The following SGIP1 variants were observed in gnomAD, a reference collection of about 807,000 sequenced individuals.
SGIP1 encodes SH3-containing GRB2-like protein 3-interacting protein 1.
SGIP1 carries 38 observed loss-of-function variants against 107.5 expected under a neutral mutation model. The ratio of observed to expected loss-of-function variants is 0.35; its 90% CI spans 0.27 to 0.46. The LOEUF (loss-of-function observed/expected upper bound fraction) is 0.46. Ranked by LOEUF, SGIP1 falls within the 20% of genes least tolerant of loss-of-function variation. The pLI, the probability that SGIP1 is intolerant of heterozygous loss-of-function variation, is 1.00. For synonymous variants in SGIP1, 365 were observed against 366.1 expected, an observed-to-expected ratio of 1.00 and a Z score of 0.03; for missense variants, 929 against 1,019.5, an observed-to-expected ratio of 0.91 and a Z score of 1.21.
intron 1 of SGIP1, among the ~76,000 whole-genome samples, chr1:66,605,012 T>G (rs2066556486): frequency 6.6e-6 from 1 of 152,218 alleles, no homozygotes. Context: ...TTATGTCTAG[T>G]CTTTGCTCTT....
intron 1 of SGIP1, among the ~76,000 whole-genome samples, chr1:66,557,545 A>G (rs1215333051): frequency 2.0e-5 from 3 of 152,126 alleles, no homozygotes; most frequent in Non-Finnish European, 4.4e-5. Flanking sequence ...AGAACATACA[A>G]AGCATTCTCC....
intron 4 of SGIP1, among the ~76,000 whole-genome samples, chr1:66,637,547 G>C (rs11208933): frequency 1.3e-5 from 2 of 149,488 alleles, no homozygotes; most frequent in Non-Finnish European, 3.0e-5. Flanking sequence ...TTTAGTATTC[G>C]TTTTTAAAGT....
chr1:66,577,621 C>A (rs985797815), intron 1 of SGIP1, among the ~76,000 whole-genome samples: 4 of 152,072 alleles, frequency 2.6e-5, no homozygotes, highest in African/African-American at 9.7e-5. Flanking sequence ...TATCCTATTT[C>A]TTTCTTGTAA....
intron 18 of SGIP1, among the ~76,000 whole-genome samples, chr1:66,709,457 G>A (rs924090072): frequency 6.6e-6 from 1 of 151,994 alleles, no homozygotes; most frequent in African/African-American, 2.4e-5. Flanking sequence ...ATGGGTAAAC[G>A]GTTCTCTCCT....
At position 66,675,833 on chromosome 1, in the gene SGIP1, C is replaced by T. The variant is rs149036711; in HGVS notation, c.647-1171C>T. On this transcript the variant is annotated intron_variant, in intron 12 of 24. Coordinates refer to ENST00000371037, the MANE Select transcript of SGIP1 (RefSeq NM_032291.4). Reference sequence around the variant, plus strand: ...ACAGCTGTGAGCCACCATGCCTGGCCTAGAAAGATCTTTCTATCACTAGTT... The same window carrying T: ...ACAGCTGTGAGCCACCATGCCTGGCTTAGAAAGATCTTTCTATCACTAGTT... Among the ~76,000 whole-genome samples the T allele has an allele frequency of 2.2e-4, 34 of 152,190 alleles. No homozygotes were observed. In the East Asian group the frequency reaches 6.0e-3, roughly 27 times the overall value.
intron 18 of SGIP1, 115 bp from the exon 19 acceptor site, chr1:66,719,179 T>A (rs2093400162): frequency 5.0e-6 from 3 of 604,564 alleles, no homozygotes; most frequent in Non-Finnish European, 8.7e-6. Context: ...TAGCACATTT[T>A]GTTTTACATT....
chr1:66,561,467 TGTGA>T (rs1179513689), intron 1 of SGIP1, among the ~76,000 whole-genome samples: 1 of 152,062 alleles, frequency 6.6e-6, no homozygotes, highest in Admixed American at 6.6e-5. Flanking sequence ...AGTCAGAGAT[TGTGA>T]TCCATAGAAC....
At chr1:66,672,994 C>T (rs1030138589) in intron 11 of SGIP1, among the ~76,000 whole-genome samples, 2 of 152,118 alleles carry the variant, frequency 1.3e-5, no homozygotes, top group African/African-American at 4.8e-5. Context: ...AATCATGATG[C>T]TTTGAAAGAG....
At chr1:66,581,372 T>C (rs12070181) in intron 1 of SGIP1, among the ~76,000 whole-genome samples, 7,706 of 152,156 alleles carry the variant, frequency 0.051, 596 homozygotes, top group African/African-American at 0.17. Context: ...GCTCATGGTG[T>C]TAATGAAAGT....
chr1:66,722,746 C>T (rs1459656383), intron 19 of SGIP1, among the ~76,000 whole-genome samples: 3 of 152,088 alleles, frequency 2.0e-5, no homozygotes, highest in Non-Finnish European at 4.4e-5. Flanking sequence ...GCAGCCTGTC[C>T]CATCGGCCTG....
chr1:66,559,073 C>T (rs1390354724), intron 1 of SGIP1, among the ~76,000 whole-genome samples: 2 of 152,076 alleles, frequency 1.3e-5, no homozygotes, highest in Admixed American at 1.3e-4. Context: ...GAACCCCGTA[C>T]TGCTGGGCCC....
chr1:66,541,448 G>A (rs1038816833), intron 1 of SGIP1, among the ~76,000 whole-genome samples: 3 of 152,332 alleles, frequency 2.0e-5, no homozygotes, highest in Non-Finnish European at 4.4e-5. Context: ...GTGAATGAGT[G>A]TCATGTCCTT....
intron 18 of SGIP1, 39 bp downstream of exon 18, chr1:66,695,532 C>T (rs1350137985): frequency 6.3e-6 from 10 of 1,579,778 alleles, no homozygotes; most frequent in Non-Finnish European, 8.7e-6. Flanking sequence ...AATTTATACT[C>T]CTCCTCATCC....
intron 1 of SGIP1, among the ~76,000 whole-genome samples, chr1:66,549,736 C>T (rs2057104334): frequency 6.6e-6 from 1 of 152,118 alleles, no homozygotes; most frequent in Non-Finnish European, 1.5e-5. Context: ...GGTCACTTGC[C>T]TTGATGTGCT....
intron 1 of SGIP1, among the ~76,000 whole-genome samples, chr1:66,563,863 TCTTC>T: frequency 6.6e-6 from 1 of 152,130 alleles, no homozygotes; most frequent in African/African-American, 2.4e-5. Context: ...GATGAATGTC[TCTTC>T]CTTAACTCTT....
intron 1 of SGIP1, among the ~76,000 whole-genome samples, chr1:66,613,103 A>G (rs577519457): frequency 2.7e-4 from 41 of 152,294 alleles, no homozygotes; most frequent in Middle Eastern, 3.4e-3. Context: ...ACAATACTCA[A>G]TATAATTTTG....
At chr1:66,626,137 CTTT>C (rs35959436) in intron 2 of SGIP1, 871 of 123,100 alleles carry the variant, frequency 7.1e-3, no homozygotes, top group Middle Eastern at 0.025. Context: ...TTCTTTCTTT[CTTT>C]TTTTTTTTTT....
chr1:66,588,861 G>A (rs2063106394), intron 1 of SGIP1, among the ~76,000 whole-genome samples: 1 of 151,206 alleles, frequency 6.6e-6, no homozygotes, highest in African/African-American at 2.4e-5. Flanking sequence ...ATTAGTAGCA[G>A]TAGCATTTGA....
chr1:66,592,894 C>CT (rs1558004086), intron 1 of SGIP1, among the ~76,000 whole-genome samples: 1 of 94,136 alleles, frequency 1.1e-5, no homozygotes, highest in African/African-American at 4.2e-5. Flanking sequence ...CTTTCTTCTT[C>CT]TTCTTTTTTT....
Sources: allele counts gnomAD v4.1 joint callset (sites outside exome capture counted in the v4.1 genomes callset), GRCh38; gene constraint gnomAD v4.1.1; transcripts MANE v1.5; gene names NCBI Gene and HGNC (gene_info 2026-07-23, HGNC 2026-07-21).